MCCC1: variants seen among roughly 807,000 people sequenced by gnomAD.
MCCC1 encodes the protein methylcrotonoyl-CoA carboxylase subunit alpha, mitochondrial.
MCCC1 carries 64 observed loss-of-function variants against 83.8 expected under a neutral mutation model. That is an observed-to-expected ratio of 0.76 (90% CI 0.62 to 0.94). The LOEUF (loss-of-function observed/expected upper bound fraction) is 0.94, where lower values mean the gene tolerates loss of function less well. MCCC1 is among the 40% of genes least tolerant of loss of function. The pLI, the probability that MCCC1 is intolerant of heterozygous loss-of-function variation, is 0.00. For missense variants in MCCC1, 807 were observed against 904.7 expected (o/e 0.89, Z 1.39); for synonymous variants, 322 against 315.4 (o/e 1.02, Z -0.22).
At chr3:183,020,370 G>A (rs1712051983) in intron 16 of MCCC1, 133 bp from the exon 17 acceptor site, 4 of 789,302 alleles carry the variant, frequency 5.1e-6, no homozygotes, top group African/African-American at 1.7e-5. Context: ...AGTGGCTCAC[G>A]ATTGTAAACC....
At chr3:183,085,090 T>C (rs2108550415) in intron 4 of MCCC1, among the ~76,000 whole-genome samples, 1 of 152,062 alleles carries the variant, frequency 6.6e-6, no homozygotes, top group Non-Finnish European at 1.5e-5. Flanking sequence ...GAACAAGAAA[T>C]CAAATGCGGA....
intron 1 of MCCC1, among the ~76,000 whole-genome samples, chr3:183,111,999 AAC>A (rs1719502969): frequency 1.3e-5 from 2 of 152,204 alleles, no homozygotes. Flanking sequence ...TAAAAAAAAA[AAC>A]ATTCCTCAAT....
At chr3:183,033,573 C>T (rs1449062648) in intron 14 of MCCC1, among the ~76,000 whole-genome samples, 1 of 152,126 alleles carries the variant, frequency 6.6e-6, no homozygotes, top group Non-Finnish European at 1.5e-5. Context: ...GGTAATCGTC[C>T]CTCTCTGACA....
intron 4 of MCCC1, among the ~76,000 whole-genome samples, chr3:183,083,233 C>T (rs1717644241): frequency 6.6e-6 from 1 of 152,144 alleles, no homozygotes; most frequent in African/African-American, 2.4e-5. Flanking sequence ...TTAAAGTCAA[C>T]ATTAAAGGAA....
intron 4 of MCCC1, among the ~76,000 whole-genome samples, chr3:183,074,863 C>A (rs184150414): frequency 6.6e-6 from 1 of 152,230 alleles, no homozygotes; most frequent in African/African-American, 2.4e-5. Context: ...TGCTCCTCTC[C>A]CTCCCACCTT....
At chr3:183,106,701 C>T (rs71314281) in intron 1 of MCCC1, among the ~76,000 whole-genome samples, 1 of 151,888 alleles carries the variant, frequency 6.6e-6, no homozygotes, top group Non-Finnish European at 1.5e-5. Context: ...TTCACCGTGT[C>T]GGCCAGGCTG....
Position 183,033,890 on chromosome 3 carries a change from A to AATGTAACTG in MCCC1, c.1681+92_1681+100dup, listed in dbSNP as rs146243904. The stretch of plus-strand genomic sequence containing the variant: ...CAATGTTTAGCCTAGGCATTTAAAA[A>AATGTAACTG]ATGTAACTGACTGATCATGGCCAGG... On this transcript the variant is annotated intron_variant, in intron 14 of 18. Coordinates refer to ENST00000265594, the MANE Select transcript of MCCC1 (RefSeq NM_020166.5). 9.3e-4 allele frequency: 831 copies of AATGTAACTG among 894,636 alleles called. 4 individuals are homozygous for AATGTAACTG. The African/African-American group carries it at 0.012, about 13-fold the overall frequency. 55.4% of individuals were successfully genotyped at this position (894,636 alleles called of 1,614,324 possible).
intron 1 of MCCC1, among the ~76,000 whole-genome samples, chr3:183,109,504 G>T (rs535588800): frequency 6.6e-6 from 1 of 152,290 alleles, no homozygotes; most frequent in South Asian, 2.1e-4. Flanking sequence ...AGAACATGTG[G>T]TATTTGGTTT....
intron 4 of MCCC1, among the ~76,000 whole-genome samples, chr3:183,073,645 T>C (rs1188290190): frequency 6.6e-6 from 1 of 152,240 alleles, no homozygotes; most frequent in Non-Finnish European, 1.5e-5. Flanking sequence ...GCCATAAGTT[T>C]TGCAGTTTGA....
In MCCC1 at chr3:183,081,863, A is replaced by G. The variant is rs548666932; in HGVS notation, c.369+4830T>C. Among the ~76,000 whole-genome samples the G allele has an allele frequency of 2.6e-5, 4 of 152,294 alleles. No individual in the cohort carries two copies. The East Asian group carries it at 5.8e-4, about 22-fold the overall frequency. ...AAAGTTGTCCATCTTGCAGCCGGAC[A>G]GGTGGGAGCCAGGACACAGCTTGGC... On this transcript the variant is annotated intron_variant, in intron 4 of 18. Coordinates refer to ENST00000265594, the MANE Select transcript of MCCC1 (RefSeq NM_020166.5).
At chr3:183,084,008 T>C (rs939363119) in intron 4 of MCCC1, among the ~76,000 whole-genome samples, 7 of 152,242 alleles carry the variant, frequency 4.6e-5, no homozygotes, top group Admixed American at 1.3e-4. Flanking sequence ...TGGGGGATCT[T>C]GATAAAAATG....
chr3:183,099,259 A>G (rs1718972109), intron 1 of MCCC1, 93 bp downstream of exon 1: 1 of 1,444,662 alleles, frequency 6.9e-7, no homozygotes, highest in African/African-American at 1.4e-5. Context: ...CCCCACACCG[A>G]CCCTGGGTTC....
intron 15 of MCCC1, among the ~76,000 whole-genome samples, chr3:183,023,339 G>A (rs1368730490): frequency 6.6e-6 from 1 of 152,126 alleles, no homozygotes; most frequent in African/African-American, 2.4e-5. Context: ...TTACACATTG[G>A]TTCTCATCTA....
chr3:183,048,334 CAG>C (rs1289615113), intron 9 of MCCC1, among the ~76,000 whole-genome samples: 1 of 152,066 alleles, frequency 6.6e-6, no homozygotes, highest in African/African-American at 2.4e-5. Flanking sequence ...AATTAAAAGA[CAG>C]AGATTGTTGG....
intron 1 of MCCC1, among the ~76,000 whole-genome samples, chr3:183,095,946 A>G (rs1718703367): frequency 6.6e-6 from 1 of 152,220 alleles, no homozygotes; most frequent in Admixed American, 6.5e-5. Context: ...GTTTCGTGAT[A>G]CCTGTGTATA....
intron 2 of MCCC1, among the ~76,000 whole-genome samples, chr3:183,093,918 G>A (rs531205246): frequency 2.6e-4 from 40 of 152,180 alleles, no homozygotes; most frequent in African/African-American, 9.1e-4. Context: ...CTTTTTCAAA[G>A]AACTGCTTTA....
rs1460133047 is a variant in MCCC1, at chr3:183,045,495, A to G, written c.1001T>C (p.Met334Thr). 6.2e-7 allele frequency: 1 copy of G among 1,614,086 alleles called. No individual in the cohort carries two copies. The highest frequency in any genetic ancestry group is 1.7e-5 in the Admixed American group (1 of 60,014). Residue 334 changes from methionine (M) to threonine (T), a missense_variant, in exon 10 of 19, where the codon ATG (methionine) becomes ACG (threonine). Met to Thr is a moderately conservative substitution (Grantham distance 81). Coordinates refer to ENST00000265594, the MANE Select transcript of MCCC1 (RefSeq NM_020166.5). ...IMDSKHNFCF[M>T]EMNTRLQVEH... Reference sequence around the variant, plus strand: ...CACTTGCAGCCTTGTATTCATCTCCATGAAACAGAAATTATGTTTTGAGTC... The same window carrying G: ...CACTTGCAGCCTTGTATTCATCTCCGTGAAACAGAAATTATGTTTTGAGTC...
chr3:183,099,517 C>T, upstream of MCCC1: 2 of 1,525,194 alleles, frequency 1.3e-6, no homozygotes, highest in Non-Finnish European at 8.9e-7. Context: ...CGTTCCTCCA[C>T]TACGAAGCCT....
At chr3:183,074,251 AT>A (rs1716899273) in intron 4 of MCCC1, among the ~76,000 whole-genome samples, 1 of 152,236 alleles carries the variant, frequency 6.6e-6, no homozygotes, top group Non-Finnish European at 1.5e-5. Context: ...TGTACTCAGA[AT>A]TTTAACAAAC....
Sources: gnomAD v4.1 joint callset for allele counts (sites outside exome capture counted in the v4.1 genomes callset) on GRCh38, gnomAD v4.1.1 for gene constraint, MANE v1.5 for transcripts, NCBI Gene and HGNC (gene_info 2026-07-23, HGNC 2026-07-21) for gene names.